The following KLHL1 variants were observed in gnomAD, a reference collection of about 807,000 sequenced individuals.
KLHL1 encodes kelch-like protein 1.
A neutral mutation model predicts 77.7 loss-of-function variants in KLHL1; 47 were observed. The ratio of observed to expected loss-of-function variants is 0.60; its 90% CI spans 0.48 to 0.77. The LOEUF is 0.77. Among genes scored for constraint, KLHL1 ranks in the 30% least tolerant of loss-of-function variants. The pLI is 0.00. For synonymous variants in KLHL1, 360 were observed against 325.2 expected (o/e 1.11, Z -1.15); for missense variants, 925 against 910.8 (o/e 1.02, Z -0.20).
chr13:69,931,468 G>A lies in KLHL1; in HGVS notation c.1014+8572C>T, dbSNP rs557859810. On this transcript the variant is annotated intron_variant, in intron 4 of 10. Transcript: ENST00000377844. ...ATTGGAAATAAGCTCCCAACCTAAA[G>A]TACATTGGTCTGGCTTTGAATCCCG... Among the ~76,000 whole-genome samples the A allele has an allele frequency of 1.5e-4, 23 of 151,768 alleles. No individual in the cohort carries two copies. In the South Asian group the frequency reaches 4.8e-3, roughly 31 times the overall value.
chr13:70,063,927 T>C (rs1886949834), intron 1 of KLHL1, among the ~76,000 whole-genome samples: 1 of 152,078 alleles, frequency 6.6e-6, no homozygotes, highest in Non-Finnish European at 1.5e-5. Context: ...AGGGTTTAAG[T>C]CATTTTTAAA....
chr13:69,983,829 A>G (rs1884786979), intron 1 of KLHL1, among the ~76,000 whole-genome samples: 1 of 152,088 alleles, frequency 6.6e-6, no homozygotes, highest in Non-Finnish European at 1.5e-5. Context: ...AGCATGGCAC[A>G]GGCATAAAAA....
intron 7 of KLHL1, among the ~76,000 whole-genome samples, chr13:69,779,933 C>A (rs1330148599): frequency 2.6e-5 from 4 of 152,014 alleles, no homozygotes; most frequent in Non-Finnish European, 5.9e-5. Flanking sequence ...GCCACAGCCT[C>A]CGAAGTATTA....
At chr13:69,915,330 T>C (rs1214756025) in intron 4 of KLHL1, among the ~76,000 whole-genome samples, 1 of 152,174 alleles carries the variant, frequency 6.6e-6, no homozygotes, top group Non-Finnish European at 1.5e-5. Context: ...TCAGGCTACC[T>C]GACTTCAAAC....
chr13:69,935,330 C>A, intron 4 of KLHL1, among the ~76,000 whole-genome samples: 1 of 118,192 alleles, frequency 8.5e-6, no homozygotes, highest in East Asian at 2.3e-4. Flanking sequence ...AGTAATTAAT[C>A]GTATATATGG....
Position 69,808,243 on chromosome 13 carries a change from C to T in KLHL1, c.1415-11281G>A, listed in dbSNP as rs113037512. 5.0e-3 allele frequency among the ~76,000 whole-genome samples: 757 copies of T among 152,212 alleles called. 3 individuals are homozygous for T. The highest frequency in any genetic ancestry group is 8.6e-3 in the Non-Finnish European group (585 of 68,010). ...TGTTTCTTGGGCTTCTTTAGCAGCT[C>T]TGCCATGACTACAGGCAAACATACC... On this transcript the variant is annotated intron_variant, in intron 6 of 10. Coordinates refer to ENST00000377844, the MANE Select transcript of KLHL1 (RefSeq NM_020866.3).
intron 1 of KLHL1, among the ~76,000 whole-genome samples, chr13:70,026,266 T>G (rs1208967740): frequency 2.0e-5 from 3 of 152,130 alleles, no homozygotes. Context: ...ATAACTGATT[T>G]TTTTAAAAAA....
chr13:69,802,725 T>C (rs1877443199), intron 6 of KLHL1, among the ~76,000 whole-genome samples: 1 of 150,122 alleles, frequency 6.7e-6, no homozygotes, highest in South Asian at 2.2e-4. Flanking sequence ...CCCTCTCACG[T>C]GCACCCCCAT....
At chr13:69,799,424 A>T (rs1034484747) in intron 6 of KLHL1, among the ~76,000 whole-genome samples, 1 of 152,246 alleles carries the variant, frequency 6.6e-6, no homozygotes, top group Non-Finnish European at 1.5e-5. Context: ...AGCCTCATTC[A>T]AATGAGCTAG....
chr13:69,911,117 C>A (rs1882222594), intron 4 of KLHL1, among the ~76,000 whole-genome samples: 1 of 152,076 alleles, frequency 6.6e-6, no homozygotes, highest in African/African-American at 2.4e-5. Flanking sequence ...GTCTTTCTCT[C>A]TCTCTCTTCT....
In KLHL1 at chr13:69,984,451, G is replaced by A. The variant is rs550502904; in HGVS notation, c.498-8649C>T. On this transcript the variant is annotated intron_variant, in intron 1 of 10. Coordinates refer to ENST00000377844, the MANE Select transcript of KLHL1 (RefSeq NM_020866.3). ...GTGTACAGTAAGGAGCAGACAACAT[G>A]ATGCCTGCCAGATAGAAAAACTGTT... Among the ~76,000 whole-genome samples, 3 of 152,220 alleles carry A rather than the reference G, an allele frequency of 2.0e-5. No individual in the cohort carries two copies. The East Asian group carries it at 5.8e-4, about 29-fold the overall frequency.
intron 1 of KLHL1, among the ~76,000 whole-genome samples, chr13:70,056,738 AAATT>A (rs1465801754): frequency 4.6e-5 from 7 of 152,160 alleles, no homozygotes; most frequent in African/African-American, 1.7e-4. Flanking sequence ...GTTAATGAGG[AAATT>A]AAGAGAGAAA....
chr13:69,806,144 G>C (rs1358449430), intron 6 of KLHL1, among the ~76,000 whole-genome samples: 3 of 152,080 alleles, frequency 2.0e-5, no homozygotes, highest in African/African-American at 7.2e-5. Context: ...AAAAATCTAA[G>C]ATAATTTGTT....
intron 4 of KLHL1, among the ~76,000 whole-genome samples, chr13:69,903,774 T>A (rs1343295357): frequency 6.7e-6 from 1 of 150,130 alleles, no homozygotes; most frequent in Non-Finnish European, 1.5e-5. Context: ...CCCGAGTAGC[T>A]GGGATTACAG....
intron 5 of KLHL1, among the ~76,000 whole-genome samples, chr13:69,879,735 T>C (rs544847609): frequency 6.6e-6 from 1 of 152,186 alleles, no homozygotes; most frequent in East Asian, 1.9e-4. Context: ...CAACCCTAAA[T>C]AAAAAATTGT....
intron 1 of KLHL1, among the ~76,000 whole-genome samples, chr13:70,091,435 C>A (rs932226387): frequency 2.6e-5 from 4 of 152,008 alleles, no homozygotes; most frequent in Non-Finnish European, 5.9e-5. Context: ...ATGTGTTGTT[C>A]TCTCAGCAAA....
At chr13:69,833,443 AAT>A (rs201992609) in intron 6 of KLHL1, among the ~76,000 whole-genome samples, 2,110 of 150,844 alleles carry the variant, frequency 0.014, 49 homozygotes, top group African/African-American at 0.049. Flanking sequence ...ATTGTCAAAA[AAT>A]AAAAAAAAAT....
chr13:70,095,384 A>G (rs1376637590), intron 1 of KLHL1, among the ~76,000 whole-genome samples: 1 of 152,184 alleles, frequency 6.6e-6, no homozygotes, highest in Non-Finnish European at 1.5e-5. Context: ...GGAAAATAAA[A>G]TTACATGGAA....
intron 4 of KLHL1, among the ~76,000 whole-genome samples, chr13:69,907,539 G>A (rs149237445): frequency 1.2e-4 from 18 of 151,720 alleles, no homozygotes; most frequent in East Asian, 5.8e-4. Flanking sequence ...TAAATACTTC[G>A]CTAGATATTG....
Sources: gnomAD v4.1 joint callset for allele counts (sites outside exome capture counted in the v4.1 genomes callset) on GRCh38, gnomAD v4.1.1 for gene constraint, MANE v1.5 for transcripts, NCBI Gene and HGNC (gene_info 2026-07-23, HGNC 2026-07-21) for gene names.